Variants in GABRA3 observed in about 807,000 individuals in gnomAD.
GABRA3 encodes gamma-aminobutyric acid type A receptor subunit alpha3, also known as gamma-aminobutyric acid receptor subunit alpha-3.
GABRA3 carries 10 observed loss-of-function variants against 30.1 expected under a neutral mutation model. The ratio of observed to expected loss-of-function variants is 0.33; its 90% CI spans 0.20 to 0.56. GABRA3 has a LOEUF of 0.56. Among genes scored for constraint, GABRA3 ranks in the 20% least tolerant of loss-of-function variants. The pLI, the probability that GABRA3 is intolerant of heterozygous loss-of-function variation, is 0.89. For missense variants in GABRA3, 233 were observed against 392.0 expected (o/e 0.59, Z 3.42); for synonymous variants, 151 against 146.8 (o/e 1.03, Z -0.21).
intron 1 of GABRA3, among the ~76,000 whole-genome samples, chrX:152,368,888 G>A (rs997152006): frequency 1.8e-5 from 2 of 109,601 alleles, no homozygotes; most frequent in Non-Finnish European, 3.8e-5. Context: ...TGTATTTGTA[G>A]TAGAGACGGG....
intron 4 of GABRA3, among the ~76,000 whole-genome samples, chrX:152,282,925 T>C (rs1939224788): frequency 8.9e-6 from 1 of 112,053 alleles, no homozygotes; most frequent in Non-Finnish European, 1.9e-5. Context: ...TGAGTGAGTG[T>C]ATGTGTGTGT....
chrX:152,243,876 A>G (rs148766948), intron 5 of GABRA3, among the ~76,000 whole-genome samples: 1 of 111,827 alleles, frequency 8.9e-6, no homozygotes, highest in South Asian at 3.7e-4. Context: ...AATCCCTGCT[A>G]TTGACTAAAA....
intron 1 of GABRA3, among the ~76,000 whole-genome samples, chrX:152,446,809 C>T (rs911950570): frequency 4.8e-4 from 54 of 111,981 alleles, no homozygotes; most frequent in African/African-American, 1.7e-3. Flanking sequence ...GGAGTTGCAT[C>T]TCCTTTGCAT....
rs201338459 is a variant in GABRA3 at position 152,231,314 on chromosome X, CGT to C, written c.552-6471_552-6470del. ...ACGTGTATATATACGTGTGTGTACACGTGTGTGTGTACACGTGTGTGTATACA... is the reference window on the plus strand; with the variant it reads ...ACGTGTATATATACGTGTGTGTACACGTGTGTGTACACGTGTGTGTATACA... On this transcript the variant is annotated intron_variant, in intron 5 of 9. Coordinates refer to ENST00000370314, the MANE Select transcript of GABRA3 (RefSeq NM_000808.4). Among the ~76,000 whole-genome samples the C allele has an allele frequency of 4.7e-3, 503 of 107,441 alleles. 6 individuals are homozygous for C. The highest frequency in any genetic ancestry group is 0.014 in the African/African-American group (411 of 29,736). 93.3% of individuals were successfully genotyped at this position (107,441 alleles called of 115,157 possible).
intron 3 of GABRA3, among the ~76,000 whole-genome samples, chrX:152,333,067 C>A (rs905127586): frequency 9.0e-5 from 10 of 111,554 alleles, no homozygotes; most frequent in Non-Finnish European, 1.7e-4. Flanking sequence ...TTTTTCTTCC[C>A]GGGGCAATTT....
chrX:152,357,456 G>A (rs1331192126), intron 2 of GABRA3, among the ~76,000 whole-genome samples: 1 of 111,482 alleles, frequency 9.0e-6, no homozygotes, highest in Non-Finnish European at 1.9e-5. Flanking sequence ...CATGTCTGTT[G>A]CCTATTTTTT....
At chrX:152,389,142 C>T (rs1018955496) in intron 1 of GABRA3, among the ~76,000 whole-genome samples, 1 of 111,854 alleles carries the variant, frequency 8.9e-6, no homozygotes, top group Admixed American at 9.5e-5. Flanking sequence ...ACACACAAGG[C>T]ATAGAAAGTA....
chrX:152,302,087 T>C (rs1396804451), intron 3 of GABRA3, among the ~76,000 whole-genome samples: 1 of 110,425 alleles, frequency 9.1e-6, no homozygotes, highest in Non-Finnish European at 1.9e-5. Context: ...ATAAAACAAT[T>C]CAAATATTCA....
chrX:152,179,861 C>G (rs1937122645), intron 9 of GABRA3, among the ~76,000 whole-genome samples: 2 of 111,468 alleles, frequency 1.8e-5, no homozygotes, highest in Admixed American at 1.9e-4. Context: ...TAATGTTCTT[C>G]AGGTTCATCC....
intron 3 of GABRA3, 134 bp downstream of exon 3, chrX:152,345,447 C>G: frequency 1.5e-6 from 1 of 649,826 alleles, no homozygotes; most frequent in South Asian, 3.8e-5. Context: ...TTTTAGTGCT[C>G]ATAGGGAAGA....
intron 4 of GABRA3, among the ~76,000 whole-genome samples, chrX:152,275,470 A>ATATTTATATATTTATTTTATAT (rs1939064537): frequency 1.2e-4 from 1 of 8,474 alleles, no homozygotes; most frequent in Non-Finnish European, 2.9e-4. Context: ...ATATCAAATA[A>ATATTTATATATTTATTTTATAT]ATAGAGCTGG....
chrX:152,330,226 T>C (rs1170019824), intron 3 of GABRA3, among the ~76,000 whole-genome samples: 1 of 111,652 alleles, frequency 9.0e-6, no homozygotes, highest in Non-Finnish European at 1.9e-5. Flanking sequence ...TGTGGAGAAA[T>C]AGGAACACTT....
At position 152,167,694 on chromosome X, in the gene GABRA3, T is replaced by C. The variant is rs1936953524; in HGVS notation, c.*534A>G. On this transcript the variant is annotated 3_prime_UTR_variant, in exon 10 of 10. Transcript: ENST00000370314. ...ACTAATTTCCAAACCAATAAATGGGTTGGGGGTGTAGAACTGGCTCCCACC... is the reference window on the plus strand; with the variant it reads ...ACTAATTTCCAAACCAATAAATGGGCTGGGGGTGTAGAACTGGCTCCCACC... 8.7e-6 allele frequency: 1 copy of C among 114,643 alleles called. No individual in the cohort carries two copies. The highest frequency in any genetic ancestry group is 3.3e-5 in the African/African-American group (1 of 30,767). The allele number at this position is 114,643 out of a possible 1,213,427, so 9.4% of individuals were successfully genotyped here.
Position 152,404,732 on chromosome X carries a change from TTTA to T in GABRA3, c.-26-40139_-26-40137del, listed in dbSNP as rs201230420. 8.0e-3 allele frequency among the ~76,000 whole-genome samples: 525 copies of T among 65,874 alleles called. 4 individuals carry two copies. The highest frequency in any genetic ancestry group is 0.016 in the Middle Eastern group (2 of 122). The allele number at this position is 65,874 out of a possible 115,157, so 57.2% of individuals were successfully genotyped here. On this transcript the variant is annotated intron_variant, in intron 1 of 9. Coordinates refer to ENST00000370314, the MANE Select transcript of GABRA3 (RefSeq NM_000808.4). ...GAGAAGCAGGAGAGCCAGGAAGTCA[TTTA>T]TTATTATTATTATTATTATTATTAT...
chrX:152,351,006 G>A (rs1428578320), intron 2 of GABRA3, among the ~76,000 whole-genome samples: 2 of 111,941 alleles, frequency 1.8e-5, no homozygotes. Flanking sequence ...CTGCAACCGT[G>A]TGCTTAAAAT....
At chrX:152,371,015 T>C (rs1478210199) in intron 1 of GABRA3, among the ~76,000 whole-genome samples, 4 of 110,828 alleles carry the variant, frequency 3.6e-5, no homozygotes, top group Non-Finnish European at 7.5e-5. Context: ...ACACCCTGAA[T>C]ACACTTGTAT....
At chrX:152,227,671 T>G (rs776948055) in intron 5 of GABRA3, among the ~76,000 whole-genome samples, 1 of 108,670 alleles carries the variant, frequency 9.2e-6, no homozygotes, top group Non-Finnish European at 1.9e-5. Context: ...ATTTGTGATG[T>G]AGGGACCCTG....
chrX:152,203,803 C>T (rs1937510933), intron 7 of GABRA3, among the ~76,000 whole-genome samples: 1 of 111,649 alleles, frequency 9.0e-6, no homozygotes, highest in African/African-American at 3.3e-5. Flanking sequence ...TATAAGGACT[C>T]TCATGGTTAC....
At chrX:152,438,133 C>T (rs900013313) in intron 1 of GABRA3, among the ~76,000 whole-genome samples, 1 of 111,308 alleles carries the variant, frequency 9.0e-6, no homozygotes, top group Non-Finnish European at 1.9e-5. Context: ...AAAACAGCCC[C>T]GTTAAAAATG....
Sources: gnomAD v4.1 joint callset for allele counts (sites outside exome capture counted in the v4.1 genomes callset) on GRCh38, gnomAD v4.1.1 for gene constraint, MANE v1.5 for transcripts, NCBI Gene and HGNC (gene_info 2026-07-23, HGNC 2026-07-21) for gene names.